The following ZNF654 variants were observed in gnomAD, a reference collection of about 807,000 sequenced individuals.
ZNF654 encodes melanoma-associated antigen.
ZNF654 carries 19 observed loss-of-function variants against 95.3 expected under a neutral mutation model. The ratio of observed to expected loss-of-function variants is 0.20; its 90% CI spans 0.14 to 0.29. The LOEUF is 0.29. ZNF654 is among the 10% of genes least tolerant of loss of function. The pLI is 1.00. For missense variants in ZNF654, 1,046 were observed against 1,341.0 expected (o/e 0.78, Z 3.44); for synonymous variants, 413 against 457.9 (o/e 0.90, Z 1.25).
intron 3 of ZNF654, among the ~76,000 whole-genome samples, chr3:88,121,167 A>G (rs1422862728): frequency 9.2e-5 from 14 of 152,154 alleles, no homozygotes; most frequent in Non-Finnish European, 2.1e-4. Context: ...CTGAATCATG[A>G]TGCTCAGTTT....
At position 88,144,012 on chromosome 3, in the gene ZNF654, T is replaced by G. The variant is rs1244652245; in HGVS notation, c.*2360T>G. On this transcript the variant is annotated 3_prime_UTR_variant, in exon 9 of 9. Coordinates refer to ENST00000636215, the MANE Select transcript of ZNF654 (RefSeq NM_001350134.2). The stretch of plus-strand genomic sequence containing the variant: ...TTCCTCAGATTCTTCTTTTTTTCTG[T>G]TTTGAGGATGTATTCATCCTACATG... 6.6e-6 allele frequency: 1 copy of G among 152,350 alleles called. No individual in the cohort carries two copies. Among genetic ancestry groups the G allele is most frequent in the East Asian group, 1.9e-4 (1 of 5,202 alleles). The allele number at this position is 152,350 out of a possible 1,614,324, so 9.4% of individuals were successfully genotyped here. A position where few individuals can be genotyped will look rare whatever the true frequency, so the allele number is the denominator to read the frequency against.
chr3:88,064,767 A>C (rs1299348910), intron 1 of ZNF654, among the ~76,000 whole-genome samples: 1 of 152,140 alleles, frequency 6.6e-6, no homozygotes. Flanking sequence ...AAATATTTTT[A>C]CTGTTATTTT....
At chr3:88,066,674 AT>A (rs1182132674) in intron 1 of ZNF654, among the ~76,000 whole-genome samples, 2 of 152,210 alleles carry the variant, frequency 1.3e-5, no homozygotes, top group African/African-American at 4.8e-5. Flanking sequence ...TTTTTTAGTT[AT>A]ATCATCTTTT....
chr3:88,141,645 G>T lies in ZNF654; in HGVS notation c.3380G>T (p.Ser1127Ile). 6.6e-7 allele frequency: 1 copy of T among 1,508,220 alleles called. No homozygotes were observed. Among genetic ancestry groups the T allele is most frequent in the Non-Finnish European group, 9.0e-7 (1 of 1,115,052 alleles). The allele number at this position is 1,508,220 out of a possible 1,614,324, so 93.4% of individuals were successfully genotyped here. A position where few individuals can be genotyped will look rare whatever the true frequency, so the allele number is the denominator to read the frequency against. Residue 1127 changes from serine (S) to isoleucine (I), a missense_variant and splice_region_variant, in exon 9 of 9, where the codon AGT (serine) becomes ATT (isoleucine). Transcript: ENST00000636215. ...TTAACAGATGTGTTCTGTTTTACAG[G>T]TGCCTGATGAAAACGGTTCAGAAAG... ...TLFGFDSDDE[S>I]A
At chr3:88,100,604 T>A (rs1259574784) in intron 2 of ZNF654, among the ~76,000 whole-genome samples, 2 of 152,180 alleles carry the variant, frequency 1.3e-5, no homozygotes, top group Non-Finnish European at 2.9e-5. Context: ...ATGTGGCACA[T>A]ATACACCATG....
chr3:88,060,984 A>G (rs1443530203), intron 1 of ZNF654, among the ~76,000 whole-genome samples: 1 of 152,104 alleles, frequency 6.6e-6, no homozygotes, highest in Non-Finnish European at 1.5e-5. Flanking sequence ...TGGCATTGCT[A>G]TTTAATGACT....
chr3:88,063,166 G>C (rs545804161), intron 1 of ZNF654, among the ~76,000 whole-genome samples: 10 of 152,278 alleles, frequency 6.6e-5, no homozygotes, highest in Non-Finnish European at 1.2e-4. Context: ...ATGGAGGCTA[G>C]AGATGCTACT....
In ZNF654 at chr3:88,139,707, G is replaced by A. The variant is rs1707000606; in HGVS notation, c.2038G>A (p.Gly680Ser). ...TGTTATTGAAAATGTTATTGAAAAT[G>A]GCAGTCCTAATAATTCTTTAAATAA... ...EDVIENVIEN[G>S]SPNNSLNNVF... Residue 680 changes from glycine (G) to serine (S), a missense_variant, in exon 8 of 9, where the codon GGC becomes AGC. This residue lies in a region of ZNF654 where 495 missense variants were observed against 537.0 expected (regional missense o/e 0.92). Coordinates refer to ENST00000636215, the MANE Select transcript of ZNF654 (RefSeq NM_001350134.2). 6.3e-7 allele frequency: 1 copy of A among 1,575,380 alleles called. No individual in the cohort carries two copies. Among genetic ancestry groups the A allele is most frequent in the Non-Finnish European group, 8.6e-7 (1 of 1,159,020 alleles).
At chr3:88,095,630 G>C (rs530638329) in intron 2 of ZNF654, 1 of 510,404 alleles carries the variant, frequency 2.0e-6, no homozygotes, top group Non-Finnish European at 3.9e-6. Context: ...GTCTTATCTC[G>C]AAGCCCCAAG....
In ZNF654 at chr3:88,062,468, C is replaced by G. The variant is rs73844847; in HGVS notation, c.186+2963C>G. On this transcript the variant is annotated intron_variant, in intron 1 of 8. Coordinates refer to ENST00000636215, the MANE Select transcript of ZNF654 (RefSeq NM_001350134.2). ...TTATGGATGAAAAGTTTAGAAAGTA[C>G]TCTTTCATTATGACACAGTAGTAAG... is the stretch of plus-strand genomic sequence containing the variant. Among the ~76,000 whole-genome samples, 461 of 152,276 alleles carry G rather than the reference C, an allele frequency of 3.0e-3. 3 individuals carry two copies. Among genetic ancestry groups the G allele is most frequent in the African/African-American group, 0.011 (443 of 41,558 alleles).
At position 88,139,452 on chromosome 3, in the gene ZNF654, G is replaced by A. The variant is rs1455409222; in HGVS notation, c.1783G>A (p.Val595Ile). 1.2e-5 allele frequency: 20 copies of A among 1,613,834 alleles called. No homozygotes were observed. The highest frequency in any genetic ancestry group is 1.7e-5 in the Admixed American group (1 of 59,980). The change falls in exon 8 of 9, where the codon GTT becomes ATT. Residue 595 changes from valine to isoleucine, a missense_variant. Val to Ile is a conservative substitution (Grantham distance 29, BLOSUM62 3). This residue lies in a region of ZNF654 where 495 missense variants were observed against 537.0 expected (regional missense o/e 0.92). Transcript: ENST00000636215. ...GLMQKHLKNH[V>I]KKIQRQQIAA... ...TATGCAGAAGCATTTGAAGAATCAT[G>A]TTAAGAAGATACAGAGGCAGCAAAT...
rs769164750 is a variant in ZNF654, at chr3:88,141,039, G to T, written c.3370G>T (p.Asp1124Tyr). Residue 1124 changes from aspartate (D) to tyrosine (Y), a missense_variant, in exon 8 of 9, where the codon GAT (aspartate) becomes TAT (tyrosine). By Grantham distance (160) the Asp-to-Tyr change is radical (BLOSUM62 -3). Transcript: ENST00000636215. ...TCAGACACTCTTTGGATTTGATTCA[G>T]ATGATGAAAGTAAGTCTTCTGTCTT... The part of the protein sequence containing the change: ...KCQTLFGFDS[D>Y]DESA 2 of 1,593,262 alleles carry T rather than the reference G, an allele frequency of 1.3e-6. No individual in the cohort carries two copies. The highest frequency in any genetic ancestry group is 1.7e-6 in the Non-Finnish European group (2 of 1,171,080).
chr3:88,125,085 C>T (rs773567655), intron 3 of ZNF654, among the ~76,000 whole-genome samples: 3 of 151,610 alleles, frequency 2.0e-5, no homozygotes, highest in Non-Finnish European at 4.4e-5. Flanking sequence ...CATGGTGACA[C>T]GCGCCTGTAG....
intron 2 of ZNF654, among the ~76,000 whole-genome samples, chr3:88,094,191 G>C (rs1703916667): frequency 6.6e-6 from 1 of 151,178 alleles, no homozygotes; most frequent in Admixed American, 6.6e-5. Flanking sequence ...TATTACACTA[G>C]AGTATTTTGT....
chr3:88,144,606 A>C lies in ZNF654; in HGVS notation c.*2954A>C, dbSNP rs755684791. ...TAAATCAACAATAGTGTCTCATTTC[A>C]AGAAATTTTTTGTACTGTACATAGA... On this transcript the variant is annotated 3_prime_UTR_variant, in exon 9 of 9. Transcript: ENST00000636215. 9.2e-5 allele frequency: 14 copies of C among 152,530 alleles called. No individual in the cohort carries two copies. The highest frequency in any genetic ancestry group is 2.6e-4 in the Admixed American group (4 of 15,270). 9.4% of individuals were successfully genotyped at this position (152,530 alleles called of 1,614,324 possible).
intron 3 of ZNF654, among the ~76,000 whole-genome samples, chr3:88,115,780 T>G (rs111903996): frequency 6.7e-4 from 102 of 152,328 alleles, no homozygotes; most frequent in Middle Eastern, 6.8e-3. Context: ...TGTTTGCATT[T>G]CTCATATGAT....
intron 2 of ZNF654, among the ~76,000 whole-genome samples, chr3:88,104,615 A>G (rs1390711863): frequency 6.6e-6 from 1 of 152,248 alleles, no homozygotes. Flanking sequence ...TACCTAAAGC[A>G]CCATAATATT....
At chr3:88,078,685 TA>T (rs1707936262) in intron 1 of ZNF654, among the ~76,000 whole-genome samples, 1 of 152,038 alleles carries the variant, frequency 6.6e-6, no homozygotes, top group Non-Finnish European at 1.5e-5. Context: ...GTTTCTACTT[TA>T]AAAAAATGGA....
chr3:88,081,296 G>A (rs1009877238), intron 1 of ZNF654, among the ~76,000 whole-genome samples: 6 of 152,022 alleles, frequency 3.9e-5, no homozygotes, highest in African/African-American at 1.4e-4. Context: ...AGTTTATGTG[G>A]GGGTTTTCCA....
Sources: gnomAD v4.1 joint callset for allele counts (sites outside exome capture counted in the v4.1 genomes callset) on GRCh38, gnomAD v4.1.1 for gene constraint, gnomAD v4.1.1 regional missense constraint, MANE v1.5 for transcripts, NCBI Gene and HGNC (gene_info 2026-07-23, HGNC 2026-07-21) for gene names.